Variants in AMPH observed in about 807,000 individuals in gnomAD.
The protein encoded by AMPH is amphiphysin.
Under a neutral mutation model 99.1 loss-of-function variants are expected in AMPH, and 49 were observed. The ratio of observed to expected loss-of-function variants is 0.49; its 90% confidence interval spans 0.39 to 0.63. The LOEUF is 0.63. AMPH is among the 20% of genes least tolerant of loss of function. The probability of loss-of-function intolerance (pLI) is 0.00; values close to 1 mark genes in which losing one functional copy is unlikely to be tolerated. For missense variants in AMPH, 759 were observed against 863.4 expected, an observed-to-expected ratio of 0.88 and a Z score of 1.52; for synonymous variants, 314 against 317.3, an observed-to-expected ratio of 0.99 and a Z score of 0.11.
chr7:38,482,505 T>C (rs1359452327), intron 5 of AMPH, among the ~76,000 whole-genome samples: 1 of 152,154 alleles, frequency 6.6e-6, no homozygotes, highest in East Asian at 1.9e-4. Flanking sequence ...TTTATTTTAA[T>C]CTTTCTGTGT....
intron 20 of AMPH, 76 bp from the exon 21 acceptor site, chr7:38,385,001 G>A (rs1784312474): frequency 2.3e-6 from 3 of 1,296,210 alleles, no homozygotes; most frequent in Non-Finnish European, 3.3e-6. Flanking sequence ...AATTAATAAT[G>A]TGTTACATTA....
At chr7:38,621,478 A>G (rs1329889744) in intron 1 of AMPH, among the ~76,000 whole-genome samples, 3 of 152,210 alleles carry the variant, frequency 2.0e-5, no homozygotes, top group Non-Finnish European at 4.4e-5. Context: ...TGACAATAGA[A>G]TAGATAACTA....
chr7:38,433,887 A>T (rs1786152363), intron 12 of AMPH, among the ~76,000 whole-genome samples: 1 of 152,160 alleles, frequency 6.6e-6, no homozygotes, highest in African/African-American at 2.4e-5. Flanking sequence ...TAGCGTGCAC[A>T]GATACTGCAG....
At chr7:38,397,352 G>A (rs900799705) in intron 17 of AMPH, among the ~76,000 whole-genome samples, 5 of 152,016 alleles carry the variant, frequency 3.3e-5, no homozygotes, top group African/African-American at 4.8e-5. Context: ...CGAACATAAT[G>A]TTTATTATTA....
chr7:38,431,605 G>A (rs1296338515), intron 13 of AMPH, among the ~76,000 whole-genome samples: 4 of 150,458 alleles, frequency 2.7e-5, no homozygotes, highest in Admixed American at 6.6e-5. Flanking sequence ...GCAGTGAGCC[G>A]AGACAGTGCC....
chr7:38,492,465 T>C (rs1242822617), intron 4 of AMPH, among the ~76,000 whole-genome samples: 1 of 151,106 alleles, frequency 6.6e-6, no homozygotes, highest in Non-Finnish European at 1.5e-5. Context: ...ACATAAGTTT[T>C]CATCTTGTTA....
chr7:38,509,671 G>C (rs960120267), intron 2 of AMPH, among the ~76,000 whole-genome samples: 6 of 152,110 alleles, frequency 3.9e-5, no homozygotes, highest in African/African-American at 1.4e-4. Flanking sequence ...CTGTGTGTGA[G>C]GAGACTTGAC....
intron 3 of AMPH, among the ~76,000 whole-genome samples, chr7:38,498,831 A>G (rs888381481): frequency 6.6e-6 from 1 of 152,190 alleles, no homozygotes; most frequent in East Asian, 1.9e-4. Context: ...TGATACATGA[A>G]GCACTTCTTT....
chr7:38,531,006 TTTCTTTCCTTCC>T (rs1207444908), intron 2 of AMPH: 1 of 152,244 alleles, frequency 6.6e-6, no homozygotes, highest in Non-Finnish European at 1.5e-5. Context: ...TCCTTCTTTC[TTTCTTTCCTTCC>T]TTCTTTCCTT....
In AMPH at chr7:38,389,903, C is replaced by T. The variant is rs1476193041; in HGVS notation, c.1881G>A (p.Val627=). The T allele has an allele frequency of 6.2e-7, 1 of 1,609,274 alleles. No individual in the cohort carries two copies. The highest frequency in any genetic ancestry group is 8.5e-7 in the Non-Finnish European group (1 of 1,176,400). ...QELPPGFLYK[V]ETLHDFEAAN... Reference sequence around the variant, plus strand: ...CTGCCTCAAAATCATGCAGTGTTTCCACCTGCAGAAGATAAGAATACATAA... The same window carrying T: ...CTGCCTCAAAATCATGCAGTGTTTCTACCTGCAGAAGATAAGAATACATAA... The change falls in exon 20 of 21, where the codon GTG becomes GTA. Residue 627 remains valine (V), a splice_region_variant and synonymous_variant. Coordinates refer to ENST00000356264, the MANE Select transcript of AMPH (RefSeq NM_001635.4).
chr7:38,502,692 T>C (rs1789182550), intron 3 of AMPH, among the ~76,000 whole-genome samples: 1 of 152,156 alleles, frequency 6.6e-6, no homozygotes, highest in African/African-American at 2.4e-5. Context: ...AGCCCTGCCA[T>C]GACTGGGCCC....
intron 5 of AMPH, among the ~76,000 whole-genome samples, chr7:38,484,982 A>G (rs1464275251): frequency 2.0e-5 from 3 of 151,916 alleles, no homozygotes; most frequent in Admixed American, 6.6e-5. Context: ...AAGTTACACG[A>G]AAGTAAAACA....
intron 11 of AMPH, among the ~76,000 whole-genome samples, chr7:38,437,507 C>T (rs928033566): frequency 6.6e-6 from 1 of 151,170 alleles, no homozygotes; most frequent in African/African-American, 2.4e-5. Flanking sequence ...GAGGGCCAGA[C>T]ACAGTGGCTC....
rs779276534 is a variant in AMPH at position 38,475,382 on chromosome 7, A to T, written c.539T>A (p.Phe180Tyr). 2 of 1,613,252 alleles carry T rather than the reference A, an allele frequency of 1.2e-6. No homozygotes were observed. Among genetic ancestry groups the T allele is most frequent in the Non-Finnish European group, 8.5e-7 (1 of 1,179,572 alleles). Residue 180 changes from phenylalanine to tyrosine, a missense_variant, in exon 7 of 21, where the codon TTT (phenylalanine) becomes TAT (tyrosine). Physicochemically the swap from Phe to Tyr is conservative, Grantham distance 22. Transcript: ENST00000356264. Reference protein sequence around the residue: ...EEEFQKAQKVFEEFNVDLQEE... With the variant: ...EEEFQKAQKVYEEFNVDLQEE... ...TTGTAAGTCAACGTTAAACTCTTCA[A>T]ACACTTTCTGTGCTTTCTGAAATTC...
At chr7:38,405,219 A>G (rs529043124) in intron 17 of AMPH, among the ~76,000 whole-genome samples, 3 of 152,374 alleles carry the variant, frequency 2.0e-5, no homozygotes, top group South Asian at 4.1e-4. Context: ...GGAGTTCTCA[A>G]CATGGAAGGG....
chr7:38,606,208 T>C (rs1227838712), intron 1 of AMPH, among the ~76,000 whole-genome samples: 1 of 152,180 alleles, frequency 6.6e-6, no homozygotes, highest in African/African-American at 2.4e-5. Context: ...TTTAAAAAAA[T>C]TGTGGTGAGA....
intron 11 of AMPH, among the ~76,000 whole-genome samples, chr7:38,458,036 T>C (rs2129006589): frequency 6.6e-6 from 1 of 152,266 alleles, no homozygotes; most frequent in Admixed American, 6.5e-5. Flanking sequence ...TTCCTCTTCC[T>C]CATTTGTGTG....
chr7:38,574,684 G>A (rs150813686), intron 1 of AMPH, among the ~76,000 whole-genome samples: 152 of 152,278 alleles, frequency 1.0e-3, no homozygotes, highest in African/African-American at 3.3e-3. Flanking sequence ...GTAGGACGAT[G>A]GGTGAGATTT....
intron 14 of AMPH, chr7:38,428,556 G>C (rs933435272): frequency 2.2e-6 from 1 of 456,604 alleles, no homozygotes. Flanking sequence ...GTCTTGTGCT[G>C]GGTAAAATAT....
Sources: allele counts gnomAD v4.1 joint callset (sites outside exome capture counted in the v4.1 genomes callset), GRCh38; gene constraint gnomAD v4.1.1; transcripts MANE v1.5; gene names NCBI Gene and HGNC (gene_info 2026-07-23, HGNC 2026-07-21).